The following TTN variants were observed in gnomAD, a reference collection of about 807,000 sequenced individuals.
The protein encoded by TTN is titin.
In TTN, 1,525 loss-of-function variants were observed where a neutral mutation model predicts 3,223.0. That is an observed-to-expected ratio of 0.47 (90% confidence interval 0.45 to 0.49). TTN has a LOEUF of 0.49. Ranked by LOEUF, TTN falls within the 20% of genes least tolerant of loss-of-function variation. The pLI is 0.00. For missense variants in TTN, 40,786 were observed against 43,424.0 expected (o/e 0.94, Z 5.40); for synonymous variants, 14,094 against 15,161.0 (o/e 0.93, Z 5.17).
intron 47 of TTN, chr2:178,748,020 A>G: frequency 6.2e-7 from 1 of 1,613,000 alleles, no homozygotes. Flanking sequence ...TGCTTTGGAA[A>G]TGCTGCCAAC....
In TTN at chr2:178,549,651, G is replaced by C. The variant is rs573510674; in HGVS notation, c.92071C>G (p.Gln30691Glu). ...AIKLINGNEY[Q>E]FRVSAVNKFG... is the part of the protein sequence containing the mutation. ...TTGTTAACTGCAGAAACACGGAATTGGTATTCATTGCCGTTTATTAGTTTA... is the reference window on the plus strand; with the variant it reads ...TTGTTAACTGCAGAAACACGGAATTCGTATTCATTGCCGTTTATTAGTTTA... Residue 30691 changes from glutamine to glutamate, a missense_variant, in exon 338 of 363, where the codon CAA becomes GAA. Coordinates refer to ENST00000589042, the MANE Select transcript of TTN (RefSeq NM_001267550.2). 6 of 1,613,778 alleles carry C rather than the reference G, an allele frequency of 3.7e-6. No individual in the cohort carries two copies. In the East Asian group the frequency reaches 1.3e-4, roughly 36 times the overall value.
chr2:178,715,280 A>G lies in TTN; in HGVS notation c.25922-16T>C. The G allele has an allele frequency of 6.3e-7, 1 of 1,586,862 alleles. No homozygotes were observed. The highest frequency in any genetic ancestry group is 8.6e-7 in the Non-Finnish European group (1 of 1,168,504). ...ATGGGTGGTTCTAAAATTGGAAAAA[A>G]GGAAAATACGGATGTATTCTGTAAG... On this transcript the variant is annotated splice_polypyrimidine_tract_variant and intron_variant, in intron 89 of 362. Transcript: ENST00000589042.
intron 321 of TTN, among the ~76,000 whole-genome samples, 151 bp from the exon 322 acceptor site, chr2:178,578,336 A>G (rs1265120642): frequency 6.7e-6 from 1 of 148,986 alleles, no homozygotes; most frequent in Non-Finnish European, 1.5e-5. Flanking sequence ...GCATAGTGCC[A>G]TTTTTTTTTT....
Position 178,586,802 on chromosome 2 carries a change from G to T in TTN, c.64099C>A (p.Pro21367Thr). ...ACTTCTAATTTCCTTGGGGGATCCG[G>T]CTCACCTAGAAGAAAAACATAATTT... ...PVLASDPLSE[P>T]DPPRKLEVTE... Residue 21367 changes from proline (P) to threonine (T), a missense_variant, in exon 308 of 363, where the codon CCG becomes ACG. Transcript: ENST00000589042. 1 of 1,609,254 alleles carries T rather than the reference G, an allele frequency of 6.2e-7. No individual in the cohort carries two copies. The highest frequency in any genetic ancestry group is 8.5e-7 in the Non-Finnish European group (1 of 1,178,534).
chr2:178,741,007 T>A lies in TTN; in HGVS notation c.12226A>T (p.Lys4076Ter). Residue 4076 changes from lysine to a stop codon, truncating the protein, a stop_gained, in exon 48 of 363, where the codon AAA becomes TAA. Coordinates refer to ENST00000589042, the MANE Select transcript of TTN (RefSeq NM_001267550.2). LOFTEE classifies it high-confidence loss of function. ...DSEQEIATFV[K>*]DTILKAALIT... ...AAAGCAGCTTTCAAAATGGTGTCTTTTACAAACGTTGCAATTTCCTGCTCT... is the reference window on the plus strand; with the variant it reads ...AAAGCAGCTTTCAAAATGGTGTCTTATACAAACGTTGCAATTTCCTGCTCT... The A allele has an allele frequency of 6.2e-7, 1 of 1,613,920 alleles. No homozygotes were observed. Among genetic ancestry groups the A allele is most frequent in the Non-Finnish European group, 8.5e-7 (1 of 1,179,822 alleles).
In TTN at chr2:178,750,203, G is replaced by C; in HGVS notation, c.11311+2921C>G. On this transcript the variant is annotated intron_variant, in intron 47 of 362. Coordinates refer to ENST00000589042, the MANE Select transcript of TTN (RefSeq NM_001267550.2). ...ACTCATAGATGGATGGGCGCCTTTT[G>C]CTTGGTCAAACACCAATGCTAACTC... 1.9e-6 allele frequency: 3 copies of C among 1,613,118 alleles called. No individual in the cohort carries two copies. The African/African-American group carries it at 4.0e-5, about 22-fold the overall frequency.
Position 178,771,433 on chromosome 2 carries a change from C to T in TTN, c.7894G>A (p.Ala2632Thr). 2 of 1,613,930 alleles carry T rather than the reference C, an allele frequency of 1.2e-6. No individual in the cohort carries two copies. Among genetic ancestry groups the T allele is most frequent in the Middle Eastern group, 1.7e-4 (1 of 6,056 alleles). The change falls in exon 34 of 363, where the codon GCT (alanine) becomes ACT (threonine). Residue 2632 changes from alanine to threonine, a missense_variant. Transcript: ENST00000589042. ...ISKPLTDQTV[A>T]ESQEAVFECE... ...TCAAACACAGCTTCCTGGGATTCAGCTACGGTCTGATCTGTGAGTGGCTTG... is the reference window on the plus strand; with the variant it reads ...TCAAACACAGCTTCCTGGGATTCAGTTACGGTCTGATCTGTGAGTGGCTTG...
In TTN at chr2:178,535,075, G is replaced by T; in HGVS notation, c.101540C>A (p.Ala33847Asp). 2 of 1,613,746 alleles carry T rather than the reference G, an allele frequency of 1.2e-6. No individual in the cohort carries two copies. Among genetic ancestry groups the T allele is most frequent in the Non-Finnish European group, 1.7e-6 (2 of 1,179,832 alleles). ...AGTCCCTTTGACTTTAACAAATTTG[G>T]CCATGTATGTCTTCTTTGAGGATGT... The part of the protein sequence containing the change: ...VETSSKKTYM[A>D]KFVKVKGTDQ... The change falls in exon 358 of 363, where the codon GCC becomes GAC. Residue 33847 changes from alanine to aspartate, a missense_variant. Ala to Asp is a moderately radical substitution (Grantham distance 126). Transcript: ENST00000589042.
chr2:178,755,993 T>G (rs1388516904), intron 46 of TTN, among the ~76,000 whole-genome samples: 3 of 152,202 alleles, frequency 2.0e-5, no homozygotes, highest in Non-Finnish European at 4.4e-5. Context: ...AACCTTTGCT[T>G]CCCGAACCTA....
chr2:178,633,867 A>G lies in TTN; in HGVS notation c.42632T>C (p.Ile14211Thr). The G allele has an allele frequency of 6.2e-7, 1 of 1,613,424 alleles. No homozygotes were observed. Among genetic ancestry groups the G allele is most frequent in the East Asian group, 2.2e-5 (1 of 44,812 alleles). The change falls in exon 231 of 363, where the codon ATA becomes ACA. Residue 14211 changes from isoleucine to threonine, a missense_variant. Physicochemically the swap from Ile to Thr is moderately conservative, Grantham distance 89. Transcript: ENST00000589042. ...KEVTLDDISQ[I>T]KAQVKELSST... is the part of the protein sequence containing the mutation. ...GCTCAGCTCCTTGACTTGAGCTTTTATCTGAGATATATCATCCAATGTCAC... is the reference window on the plus strand; with the variant it reads ...GCTCAGCTCCTTGACTTGAGCTTTTGTCTGAGATATATCATCCAATGTCAC...
chr2:178,790,248 C>A, intron 11 of TTN, 133 bp from the exon 12 acceptor site: 1 of 913,748 alleles, frequency 1.1e-6, no homozygotes, highest in South Asian at 1.8e-5. Context: ...TAAAATATAT[C>A]ATTTGAGTTA....
chr2:178,535,680 A>C lies in TTN; in HGVS notation c.100935T>G (p.Ile33645Met). 5.6e-6 allele frequency: 9 copies of C among 1,613,818 alleles called. No individual in the cohort carries two copies. The highest frequency in any genetic ancestry group is 7.6e-6 in the Non-Finnish European group (9 of 1,179,786). ...LIDNNGHYQV[I>M]VTRSFTSLVF... ...CAAGTGATGTGAAGGATCTTGTGAC[A>C]ATAACTTGGTAGTGGCCATTATTGT... is the stretch of plus-strand genomic sequence containing the variant. The change falls in exon 358 of 363, where the codon ATT becomes ATG. Residue 33645 changes from isoleucine to methionine, a missense_variant. By Grantham distance (10) the Ile-to-Met change is conservative. Transcript: ENST00000589042.
At chr2:178,747,960 C>G in intron 47 of TTN, 1 of 1,613,010 alleles carries the variant, frequency 6.2e-7, no homozygotes, top group Non-Finnish European at 8.5e-7. Flanking sequence ...TGAACATCAC[C>G]TCTGTGGTCT....
Position 178,528,919 on chromosome 2 carries a change from G to A in TTN, c.106832C>T (p.Ala35611Val). The change falls in exon 360 of 363, where the codon GCA (alanine) becomes GTA (valine). Residue 35611 changes from alanine (A) to valine (V), a missense_variant. Transcript: ENST00000589042. ...GTTTATGCTCATCTGAGTAGAAAAT[G>A]CTTTAATCTCAGCATGAGTTCTGAC... is the stretch of plus-strand genomic sequence containing the variant. ...EEVRTHAEIK[A>V]FSTQMSINEG... is the part of the protein sequence containing the mutation. 1 of 1,614,002 alleles carries A rather than the reference G, an allele frequency of 6.2e-7. No individual in the cohort carries two copies. The highest frequency in any genetic ancestry group is 8.5e-7 in the Non-Finnish European group (1 of 1,179,872).
At chr2:178,789,316 T>C in intron 13 of TTN, 44 bp downstream of exon 13, 1 of 1,608,798 alleles carries the variant, frequency 6.2e-7, no homozygotes, top group Non-Finnish European at 8.5e-7. Flanking sequence ...GTGGTATTAA[T>C]GTATTATAAT....
Position 178,635,704 on chromosome 2 carries a change from C to T in TTN, c.41620G>A (p.Asp13874Asn), listed in dbSNP as rs770045249. ...SCVKVVEVIRDWLVKPIRDQH... is the reference protein window; with the variant it reads ...SCVKVVEVIRNWLVKPIRDQH... ...TCTCGTATAGGTTTCACCAGCCAAT[C>T]TCTAATGACTTCTATATGAAAATAA... The change falls in exon 227 of 363, where the codon GAT becomes AAT. Residue 13874 changes from aspartate (D) to asparagine (N), a missense_variant. Transcript: ENST00000589042. 2 of 1,599,302 alleles carry T rather than the reference C, an allele frequency of 1.3e-6. No individual in the cohort carries two copies. The highest frequency in any genetic ancestry group is 3.5e-5 in the Admixed American group (2 of 57,912).
At position 178,678,339 on chromosome 2, in the gene TTN, T is replaced by A. The variant is rs191823349; in HGVS notation, c.33910+75A>T. The stretch of plus-strand genomic sequence containing the variant: ...GACACTTTAAAAATGTACAATGTAA[T>A]GGGGAAATTTGTATGTGAGTATACA... On this transcript the variant is annotated intron_variant, in intron 144 of 362. Transcript: ENST00000589042. 5 of 1,496,734 alleles carry A rather than the reference T, an allele frequency of 3.3e-6. No homozygotes were observed. The Admixed American group carries it at 1.1e-4, about 32-fold the overall frequency. 92.7% of individuals were successfully genotyped at this position (1,496,734 alleles called of 1,614,324 possible).
Position 178,712,318 on chromosome 2 carries a change from G to C in TTN, c.27604C>G (p.Leu9202Val). Residue 9202 changes from leucine to valine, a missense_variant, in exon 95 of 363, where the codon CTA (leucine) becomes GTA (valine). Physicochemically the swap from Leu to Val is conservative, Grantham distance 32 (BLOSUM62 1). Transcript: ENST00000589042. The part of the protein sequence containing the change: ...KDSCSAQILI[L>V]EPPYFVKQLE... ...AAAATGTGCAATCATGACAAACCTA[G>C]TATGAGTATTTGTGCTGAACAGGAA... 1 of 1,612,656 alleles carries C rather than the reference G, an allele frequency of 6.2e-7. No homozygotes were observed.
Position 178,735,686 on chromosome 2 carries a change from C to T in TTN, c.14760G>A (p.Thr4920=), listed in dbSNP as rs1380025525. ...GGAGTTTTTGCCCATCTTTGCTCCA[C>T]GTAACTGTGACTTTTCTGTCTTCAT... ...QVDEDRKVTV[T]WSKDGQKLPP... is the part of the protein sequence containing the mutation. The change falls in exon 50 of 363, where the codon ACG becomes ACA. Residue 4920 remains threonine, a synonymous_variant. Transcript: ENST00000589042. 8 of 1,613,760 alleles carry T rather than the reference C, an allele frequency of 5.0e-6. No individual in the cohort carries two copies. Among genetic ancestry groups the T allele is most frequent in the East Asian group, 4.5e-5 (2 of 44,844 alleles).
Sources: allele counts gnomAD v4.1 joint callset (sites outside exome capture counted in the v4.1 genomes callset), GRCh38; gene constraint gnomAD v4.1.1; transcripts MANE v1.5; gene names NCBI Gene and HGNC (gene_info 2026-07-23, HGNC 2026-07-21).